The following ERC2 variants were observed in gnomAD, a reference collection of about 807,000 sequenced individuals.
ERC2 encodes the protein ELKS/RAB6-interacting/CAST family member 2, also known as ERC protein 2.
Under a neutral mutation model 114.8 loss-of-function variants are expected in ERC2, and 42 were observed. The ratio of observed to expected loss-of-function variants is 0.37; its 90% CI spans 0.29 to 0.47. The LOEUF (loss-of-function observed/expected upper bound fraction) is 0.47, where lower values mean the gene tolerates loss of function less well. Ranked by LOEUF, ERC2 falls within the 20% of genes least tolerant of loss-of-function variation. The pLI is 0.99. For missense variants in ERC2, 939 were observed against 1,150.7 expected (o/e 0.82, Z 2.66); for synonymous variants, 454 against 425.5 (o/e 1.07, Z -0.82).
chr3:56,058,965 G>A (rs942856649), intron 7 of ERC2, among the ~76,000 whole-genome samples: 2 of 151,976 alleles, frequency 1.3e-5, no homozygotes, highest in African/African-American at 4.8e-5. Context: ...TTTGGTCCAG[G>A]GCCCTTACCC....
intron 13 of ERC2, among the ~76,000 whole-genome samples, chr3:55,922,793 G>T (rs529397995): frequency 1.2e-4 from 19 of 152,078 alleles, no homozygotes; most frequent in Non-Finnish European, 2.4e-4. Context: ...TCAAAAAAAG[G>T]AAACACAATA....
chr3:56,337,388 G>C (rs758033169), intron 2 of ERC2, among the ~76,000 whole-genome samples: 65 of 152,128 alleles, frequency 4.3e-4, no homozygotes, highest in Non-Finnish European at 8.4e-4. Context: ...TTGGACCCAG[G>C]CTTAGGACCT....
intron 5 of ERC2, among the ~76,000 whole-genome samples, chr3:56,145,438 T>C (rs1423884510): frequency 6.6e-6 from 1 of 152,234 alleles, no homozygotes; most frequent in Non-Finnish European, 1.5e-5. Flanking sequence ...ATGTATTTGG[T>C]ATGTTCCATT....
rs17055607 is a variant in ERC2 at position 55,644,921 on chromosome 3, T to C, written c.*39+38873A>G. On this transcript the variant is annotated intron_variant, in intron 17 of 17. Coordinates refer to ENST00000288221, the MANE Select transcript of ERC2 (RefSeq NM_015576.3). The stretch of plus-strand genomic sequence containing the variant: ...GTAGACAGAGAGATGGTGAGAGTGA[T>C]GGGTAGCTTTGCTTCCATATTGCTC... Among the ~76,000 whole-genome samples the C allele has an allele frequency of 9.9e-3, 1,500 of 152,190 alleles. 27 individuals are homozygous for C. The highest frequency in any genetic ancestry group is 0.034 in the African/African-American group (1,425 of 41,516).
At chr3:56,179,197 G>A (rs1417398763) in intron 3 of ERC2, among the ~76,000 whole-genome samples, 4 of 152,154 alleles carry the variant, frequency 2.6e-5, no homozygotes, top group African/African-American at 9.7e-5. Flanking sequence ...TAACGGAAAC[G>A]AGGGAACAAG....
intron 2 of ERC2, among the ~76,000 whole-genome samples, chr3:56,311,249 C>CTATA (rs2056541389): frequency 2.4e-5 from 1 of 41,942 alleles, no homozygotes; most frequent in Non-Finnish European, 5.2e-5. Flanking sequence ...CTCTCTCTCT[C>CTATA]TCTCTCTATA....
intron 17 of ERC2, among the ~76,000 whole-genome samples, chr3:55,561,732 T>C (rs1250400653): frequency 6.6e-6 from 1 of 152,106 alleles, no homozygotes; most frequent in Non-Finnish European, 1.5e-5. Context: ...CAATTTACTC[T>C]GGGAAACTAT....
At chr3:56,062,588 A>G (rs1355117007) in intron 7 of ERC2, among the ~76,000 whole-genome samples, 1 of 152,178 alleles carries the variant, frequency 6.6e-6, no homozygotes, top group East Asian at 1.9e-4. Flanking sequence ...AGAAGCGCTC[A>G]TTTCTTTTAT....
intron 2 of ERC2, among the ~76,000 whole-genome samples, chr3:56,349,772 G>C (rs1025303246): frequency 6.6e-6 from 1 of 152,096 alleles, no homozygotes; most frequent in African/African-American, 2.4e-5. Context: ...AATTAGCCAG[G>C]CTTGGTGGCA....
chr3:55,921,474 C>T (rs2065425274), intron 13 of ERC2, among the ~76,000 whole-genome samples: 1 of 152,038 alleles, frequency 6.6e-6, no homozygotes, highest in Non-Finnish European at 1.5e-5. Flanking sequence ...GAGATTGCTT[C>T]TCTACTGGGA....
At chr3:56,308,415 C>T (rs2056355865) in intron 2 of ERC2, among the ~76,000 whole-genome samples, 1 of 152,166 alleles carries the variant, frequency 6.6e-6, no homozygotes, top group African/African-American at 2.4e-5. Context: ...ATACACTTTG[C>T]CTTAGCCAAC....
At chr3:56,287,951 A>G (rs536445424) in intron 3 of ERC2, among the ~76,000 whole-genome samples, 9 of 152,216 alleles carry the variant, frequency 5.9e-5, no homozygotes, top group Admixed American at 1.3e-4. Flanking sequence ...TAAATGTTAC[A>G]TGTCATCACT....
intron 17 of ERC2, among the ~76,000 whole-genome samples, chr3:55,625,477 C>T (rs993100067): frequency 6.6e-6 from 1 of 150,574 alleles, no homozygotes; most frequent in Non-Finnish European, 1.5e-5. Context: ...GGAGGCTGGG[C>T]GTGGTAGCTC....
At chr3:55,968,317 T>C (rs972191383) in intron 12 of ERC2, among the ~76,000 whole-genome samples, 1 of 152,142 alleles carries the variant, frequency 6.6e-6, no homozygotes, top group Non-Finnish European at 1.5e-5. Flanking sequence ...CCTGAAAACA[T>C]GATGACTCAG....
chr3:56,386,107 A>G (rs756335686), intron 2 of ERC2, among the ~76,000 whole-genome samples: 1 of 152,180 alleles, frequency 6.6e-6, no homozygotes, highest in Non-Finnish European at 1.5e-5. Context: ...TCTCAAGAGT[A>G]AATTCAGCTC....
At chr3:55,512,041 C>G (rs1462283029) in intron 17 of ERC2, among the ~76,000 whole-genome samples, 1 of 152,172 alleles carries the variant, frequency 6.6e-6, no homozygotes, top group Non-Finnish European at 1.5e-5. Context: ...GCTCAGCTAT[C>G]TGGGAAATAT....
chr3:55,904,529 A>G (rs1257812485), intron 13 of ERC2, among the ~76,000 whole-genome samples: 1 of 152,208 alleles, frequency 6.6e-6, no homozygotes, highest in Non-Finnish European at 1.5e-5. Context: ...TGCCAACCTC[A>G]TTCTACCCCT....
intron 2 of ERC2, among the ~76,000 whole-genome samples, chr3:56,300,787 T>C (rs1375629615): frequency 1.3e-5 from 2 of 152,282 alleles, no homozygotes; most frequent in Middle Eastern, 3.4e-3. Flanking sequence ...GCCACAGGTG[T>C]TCATCCAAAC....
chr3:55,685,508 C>G (rs1002075454), intron 16 of ERC2, among the ~76,000 whole-genome samples: 1 of 152,108 alleles, frequency 6.6e-6, no homozygotes, highest in Non-Finnish European at 1.5e-5. Flanking sequence ...TCCTCTCTGT[C>G]CCTGGAGAAA....
Sources: gnomAD v4.1 joint callset for allele counts (sites outside exome capture counted in the v4.1 genomes callset) on GRCh38, gnomAD v4.1.1 for gene constraint, MANE v1.5 for transcripts, NCBI Gene and HGNC (gene_info 2026-07-23, HGNC 2026-07-21) for gene names.